SLC6A11: variants seen among roughly 807,000 people sequenced by gnomAD.
SLC6A11 encodes the protein solute carrier family 6 member 11, also known as sodium- and chloride-dependent GABA transporter 3.
SLC6A11 carries 25 observed loss-of-function variants against 74.8 expected under a neutral mutation model. The ratio of observed to expected loss-of-function variants is 0.33; its 90% CI spans 0.24 to 0.47. The LOEUF (loss-of-function observed/expected upper bound fraction) is 0.47, where lower values mean the gene tolerates loss of function less well. SLC6A11 is among the 20% of genes least tolerant of loss of function. The pLI is 1.00. For missense variants in SLC6A11, 574 were observed against 837.0 expected, an observed-to-expected ratio of 0.69 and a Z score of 3.88; for synonymous variants, 330 against 330.2, an observed-to-expected ratio of 1.00 and a Z score of 0.01.
In SLC6A11 at chr3:10,935,129, T is replaced by A; in HGVS notation, c.1676T>A (p.Leu559Gln). The A allele has an allele frequency of 6.2e-7, 1 of 1,614,214 alleles. No homozygotes were observed. The highest frequency in any genetic ancestry group is 8.5e-7 in the Non-Finnish European group (1 of 1,180,012). ...WGYGIGWLMA[L>Q]SSMLCIPLWI... ...TATGGCATTGGCTGGCTCATGGCCC[T>A]GTCCTCCATGCTCTGCATCCCGCTC... Residue 559 changes from leucine to glutamine, a missense_variant, in exon 13 of 14, where the codon CTG becomes CAG. Physicochemically the swap from Leu to Gln is moderately radical, Grantham distance 113 (BLOSUM62 -2). Coordinates refer to ENST00000254488, the MANE Select transcript of SLC6A11 (RefSeq NM_014229.3).
intron 6 of SLC6A11, among the ~76,000 whole-genome samples, chr3:10,878,776 C>T (rs910738067): frequency 6.6e-6 from 1 of 152,084 alleles, no homozygotes; most frequent in Admixed American, 6.6e-5. Flanking sequence ...TGATTGCCCA[C>T]CATGCACCAC....
intron 4 of SLC6A11, chr3:10,824,972 T>C (rs1340572330): frequency 1.3e-5 from 2 of 152,168 alleles, no homozygotes; most frequent in Non-Finnish European, 2.9e-5. Context: ...TCACCTGAGG[T>C]CAGGAGTTTG....
intron 6 of SLC6A11, among the ~76,000 whole-genome samples, chr3:10,905,202 A>T (rs1192994936): frequency 6.6e-6 from 1 of 152,208 alleles, no homozygotes; most frequent in Non-Finnish European, 1.5e-5. Context: ...TGCTGTGTTC[A>T]TGTCATTTAT....
intron 4 of SLC6A11, chr3:10,823,746 G>C (rs1694167976): frequency 4.5e-6 from 1 of 221,466 alleles, no homozygotes; most frequent in African/African-American, 2.2e-5. Flanking sequence ...ATTTAGCCTG[G>C]AAAGCATAAG....
rs781729590 is a variant in SLC6A11, at chr3:10,939,107, T to G, written c.*705T>G. On this transcript the variant is annotated 3_prime_UTR_variant, in exon 14 of 14. Coordinates refer to ENST00000254488, the MANE Select transcript of SLC6A11 (RefSeq NM_014229.3). ...GCCTTGCTGGCTTCCAGACCTGCCG[T>G]GGACCTTGGCTTCCTCTGAAGACTT... The G allele has an allele frequency of 1.3e-5, 2 of 152,240 alleles. No individual in the cohort carries two copies. Among genetic ancestry groups the G allele is most frequent in the Non-Finnish European group, 2.9e-5 (2 of 68,054 alleles). The allele number at this position is 152,240 out of a possible 1,614,324, so 9.4% of individuals were successfully genotyped here.
rs372995400 is a variant in SLC6A11, at chr3:10,905,706, CAT to C, written c.892-6379_892-6378del. Among the ~76,000 whole-genome samples the C allele has an allele frequency of 1.9e-4, 29 of 152,276 alleles. No individual in the cohort carries two copies. In the East Asian group the frequency reaches 5.0e-3, roughly 26 times the overall value. On this transcript the variant is annotated intron_variant, in intron 6 of 13. Transcript: ENST00000254488. ...CACAGGCATCTGTTTAAGAAACAAA[CAT>C]ATATCAGTTATGCTTTCTGTAAAGA...
At chr3:10,898,599 A>G (rs1695199712) in intron 6 of SLC6A11, among the ~76,000 whole-genome samples, 1 of 152,200 alleles carries the variant, frequency 6.6e-6, no homozygotes, top group African/African-American at 2.4e-5. Context: ...CAAGTTCCTC[A>G]TCTCCATCTG....
intron 9 of SLC6A11, among the ~76,000 whole-genome samples, chr3:10,928,849 C>T (rs1477493121): frequency 6.6e-6 from 1 of 152,118 alleles, no homozygotes; most frequent in Non-Finnish European, 1.5e-5. Flanking sequence ...AAGTTGTCGA[C>T]CCCAGCACAG....
chr3:10,852,659 G>T (rs1465549919), intron 5 of SLC6A11, among the ~76,000 whole-genome samples: 1 of 152,196 alleles, frequency 6.6e-6, no homozygotes, highest in African/African-American at 2.4e-5. Context: ...AGCCCCTCCT[G>T]GCACTTGGCG....
At chr3:10,820,359 G>T (rs562435717) in intron 3 of SLC6A11, among the ~76,000 whole-genome samples, 11 of 152,178 alleles carry the variant, frequency 7.2e-5, no homozygotes, top group Non-Finnish European at 1.6e-4. Context: ...AAGACTTCAC[G>T]TGAAAAATTC....
intron 6 of SLC6A11, among the ~76,000 whole-genome samples, chr3:10,903,166 G>A (rs1479091855): frequency 2.6e-5 from 4 of 152,156 alleles, no homozygotes; most frequent in Non-Finnish European, 5.9e-5. Flanking sequence ...AAGCCAATTC[G>A]AGGACATAGA....
At chr3:10,923,645 G>T (rs1695564536) in intron 8 of SLC6A11, among the ~76,000 whole-genome samples, 1 of 152,142 alleles carries the variant, frequency 6.6e-6, no homozygotes, top group Non-Finnish European at 1.5e-5. Context: ...AATCATGGTT[G>T]CAGGCAAGAC....
intron 5 of SLC6A11, among the ~76,000 whole-genome samples, chr3:10,855,668 A>G (rs1195495309): frequency 1.3e-5 from 2 of 150,726 alleles, no homozygotes; most frequent in Non-Finnish European, 3.0e-5. Context: ...ACAAGATTAC[A>G]GGCTGGAGTG....
At chr3:10,878,514 C>A (rs1331723146) in intron 6 of SLC6A11, among the ~76,000 whole-genome samples, 2 of 151,150 alleles carry the variant, frequency 1.3e-5, no homozygotes, top group Non-Finnish European at 2.9e-5. Context: ...AAGCAATTCT[C>A]CTGCCTCAGC....
At chr3:10,840,887 A>G (rs1575672112) in intron 4 of SLC6A11, among the ~76,000 whole-genome samples, 1 of 152,190 alleles carries the variant, frequency 6.6e-6, no homozygotes, top group East Asian at 1.9e-4. Flanking sequence ...GGTTAGATGC[A>G]TTCATACTTG....
intron 6 of SLC6A11, among the ~76,000 whole-genome samples, chr3:10,876,217 T>C (rs1694905783): frequency 6.6e-6 from 1 of 152,194 alleles, no homozygotes; most frequent in Non-Finnish European, 1.5e-5. Flanking sequence ...AGCTCATTTT[T>C]GTCTCAGTTT....
intron 5 of SLC6A11, among the ~76,000 whole-genome samples, chr3:10,871,606 C>G: frequency 6.6e-6 from 1 of 152,276 alleles, no homozygotes; most frequent in South Asian, 2.1e-4. Flanking sequence ...GAAGATCTAT[C>G]ATAGATGCTG....
At position 10,823,379 on chromosome 3, in the gene SLC6A11, A is replaced by G. The variant is rs754830826; in HGVS notation, c.610A>G (p.Met204Val). Residue 204 changes from methionine (M) to valine (V), a missense_variant, in exon 4 of 14, where the codon ATG (methionine) becomes GTG (valine). Physicochemically the swap from Met to Val is conservative, Grantham distance 21 (BLOSUM62 1). Coordinates refer to ENST00000254488, the MANE Select transcript of SLC6A11 (RefSeq NM_014229.3). ...TCTGCAGAATGCCACCTCCCCTGTC[A>G]TGGAGTTTTGGGAGTAAGTGGAGAA... Reference protein sequence around the residue: ...VSLQNATSPVMEFWEHRVLAI... With the variant: ...VSLQNATSPVVEFWEHRVLAI... The G allele has an allele frequency of 1.2e-6, 2 of 1,612,408 alleles. No homozygotes were observed. Among genetic ancestry groups the G allele is most frequent in the African/African-American group, 1.3e-5 (1 of 74,874 alleles).
At position 10,918,301 on chromosome 3, in the gene SLC6A11, C is replaced by T; in HGVS notation, c.996-28C>T. On this transcript the variant is annotated intron_variant, in intron 7 of 13. Transcript: ENST00000254488. The surrounding 1 kb of genome is among the most constrained non-coding windows in gnomAD (Gnocchi z 4.5). ...GTGCACCGGTTCTGCCCGCTCTGAC[C>T]CTAGTGCCTCTCGCTGCTTCCCCAC... is the stretch of plus-strand genomic sequence containing the variant. The T allele has an allele frequency of 2.6e-6, 4 of 1,564,562 alleles. No homozygotes were observed. The South Asian group carries it at 4.8e-5, about 19-fold the overall frequency.
Sources: allele counts gnomAD v4.1 joint callset (sites outside exome capture counted in the v4.1 genomes callset), GRCh38; gene constraint gnomAD v4.1.1; non-coding constraint Gnocchi (gnomAD v3.1); transcripts MANE v1.5; gene names NCBI Gene and HGNC (gene_info 2026-07-23, HGNC 2026-07-21).